PDGFRL: variants seen among roughly 807,000 people sequenced by gnomAD.
PDGFRL encodes platelet-derived growth factor receptor-like protein.
A neutral mutation model predicts 37.2 loss-of-function variants in PDGFRL; 46 were observed. That is an observed-to-expected ratio of 1.24 (90% confidence interval 0.98 to 1.58). PDGFRL has a LOEUF of 1.58. Among genes scored for constraint, PDGFRL ranks in the 40% most tolerant of loss-of-function variants. The pLI is 0.00. For synonymous variants in PDGFRL, 251 were observed against 184.3 expected (o/e 1.36, Z -2.93); for missense variants, 692 against 467.6 (o/e 1.48, Z -4.43).
At chr8:17,591,634 G>C (rs577924463) in intron 2 of PDGFRL, among the ~76,000 whole-genome samples, 3 of 152,334 alleles carry the variant, frequency 2.0e-5, no homozygotes, top group South Asian at 4.1e-4. Context: ...CCTGCAGGCA[G>C]GCTGGGCACG....
At chr8:17,584,782 G>A (rs1803780714) in intron 1 of PDGFRL, among the ~76,000 whole-genome samples, 1 of 151,028 alleles carries the variant, frequency 6.6e-6, no homozygotes, top group South Asian at 2.1e-4. Flanking sequence ...TCCTGATCCA[G>A]ACCGCAAGAA....
chr8:17,600,078 C>A (rs1343171892), intron 2 of PDGFRL, among the ~76,000 whole-genome samples: 1 of 152,186 alleles, frequency 6.6e-6, no homozygotes, highest in Non-Finnish European at 1.5e-5. Context: ...ACACCCAGTT[C>A]CCTGGGAGGA....
chr8:17,638,009 TTTTG>T (rs1805007170), intron 5 of PDGFRL, among the ~76,000 whole-genome samples: 1 of 152,162 alleles, frequency 6.6e-6, no homozygotes, highest in Non-Finnish European at 1.5e-5. Context: ...AGAATCAGCT[TTTTG>T]TTTATCTTTT....
At chr8:17,641,292 C>G (rs767860910) in intron 5 of PDGFRL, among the ~76,000 whole-genome samples, 3 of 152,202 alleles carry the variant, frequency 2.0e-5, no homozygotes, top group Non-Finnish European at 4.4e-5. Flanking sequence ...ACCCCCTCAC[C>G]CGAGTTCTGT....
At chr8:17,605,836 C>T (rs751266227) in intron 2 of PDGFRL, among the ~76,000 whole-genome samples, 26 of 152,120 alleles carry the variant, frequency 1.7e-4, no homozygotes, top group Non-Finnish European at 3.1e-4. Context: ...GGGAGGAGTG[C>T]GTGGGGCACA....
intron 2 of PDGFRL, among the ~76,000 whole-genome samples, chr8:17,603,421 C>T (rs947510843): frequency 6.6e-6 from 1 of 152,150 alleles, no homozygotes; most frequent in African/African-American, 2.4e-5. Flanking sequence ...GTAGTTGATC[C>T]CTTCGAGGCT....
chr8:17,637,064 C>T (rs989734195), intron 5 of PDGFRL, among the ~76,000 whole-genome samples: 3 of 152,072 alleles, frequency 2.0e-5, no homozygotes, highest in African/African-American at 7.2e-5. Context: ...CAGCAAACAG[C>T]GACAGTTTGA....
intron 4 of PDGFRL, among the ~76,000 whole-genome samples, chr8:17,629,954 A>T (rs1318203265): frequency 1.3e-5 from 2 of 151,924 alleles, no homozygotes; most frequent in South Asian, 2.1e-4. Context: ...ATCAGTACTC[A>T]CTACCCACAC....
chr8:17,612,674 TTTTTC>T (rs1318457743), intron 2 of PDGFRL, among the ~76,000 whole-genome samples: 4 of 152,260 alleles, frequency 2.6e-5, no homozygotes, highest in Middle Eastern at 3.4e-3. Context: ...CCTGGCCCAG[TTTTTC>T]TTTTCTTATT....
At chr8:17,597,132 T>C (rs995460713) in intron 2 of PDGFRL, among the ~76,000 whole-genome samples, 1 of 152,228 alleles carries the variant, frequency 6.6e-6, no homozygotes, top group African/African-American at 2.4e-5. Flanking sequence ...GCAATTCTAG[T>C]GCCTCAGCCT....
At chr8:17,612,065 T>C (rs2517210) in intron 2 of PDGFRL, among the ~76,000 whole-genome samples, 124,173 of 152,084 alleles carry the variant, frequency 0.82, 50,949 homozygotes, top group East Asian at 0.97. Flanking sequence ...ACAGCCATGC[T>C]GCACTCCAAA....
intron 3 of PDGFRL, among the ~76,000 whole-genome samples, chr8:17,623,247 G>T (rs891407137): frequency 2.0e-5 from 3 of 152,190 alleles, no homozygotes; most frequent in Non-Finnish European, 4.4e-5. Flanking sequence ...ACAAGGTGAA[G>T]GATGGACTGA....
intron 1 of PDGFRL, among the ~76,000 whole-genome samples, chr8:17,587,891 A>G (rs1433305318): frequency 6.6e-6 from 1 of 152,020 alleles, no homozygotes; most frequent in Admixed American, 6.5e-5. Context: ...TGGCCTCCCA[A>G]AATGCTGGGA....
Position 17,598,757 on chromosome 8 carries a change from C to T in PDGFRL, c.353+8992C>T, listed in dbSNP as rs567371759. 5.9e-5 allele frequency among the ~76,000 whole-genome samples: 9 copies of T among 152,212 alleles called. No individual in the cohort carries two copies. The East Asian group carries it at 1.7e-3, about 29-fold the overall frequency. On this transcript the variant is annotated intron_variant, in intron 2 of 5. Coordinates refer to ENST00000251630, the MANE Select transcript of PDGFRL (RefSeq NM_001372073.1). Reference sequence around the variant, plus strand: ...TAATTCCCACATGTTGTGGGAGGGGCCCAGTGGGAGATAATTGAATCATAA... The same window carrying T: ...TAATTCCCACATGTTGTGGGAGGGGTCCAGTGGGAGATAATTGAATCATAA...
intron 1 of PDGFRL, among the ~76,000 whole-genome samples, chr8:17,580,410 A>G (rs1184913397): frequency 6.6e-6 from 1 of 152,198 alleles, no homozygotes; most frequent in Admixed American, 6.5e-5. Flanking sequence ...AATGCACATA[A>G]TGAATGCTTT....
intron 5 of PDGFRL, among the ~76,000 whole-genome samples, 171 bp downstream of exon 5, chr8:17,634,384 G>A (rs1020275329): frequency 6.6e-6 from 1 of 151,928 alleles, no homozygotes; most frequent in African/African-American, 2.4e-5. Context: ...TTTTGAAGAT[G>A]TTTCGGTATA....
intron 2 of PDGFRL, among the ~76,000 whole-genome samples, chr8:17,597,187 A>G (rs1419359203): frequency 1.3e-5 from 2 of 152,204 alleles, no homozygotes; most frequent in Admixed American, 6.5e-5. Context: ...CACCTGGCTA[A>G]TTTTTGTATT....
intron 2 of PDGFRL, among the ~76,000 whole-genome samples, chr8:17,592,347 C>G (rs1453278313): frequency 6.6e-6 from 1 of 152,178 alleles, no homozygotes; most frequent in Non-Finnish European, 1.5e-5. Flanking sequence ...GTCTGAGGCG[C>G]TCTTCTCTCC....
chr8:17,577,001 C>G, upstream of PDGFRL: 1 of 572,058 alleles, frequency 1.7e-6, no homozygotes, highest in South Asian at 2.2e-5. Context: ...TCACGCTTAG[C>G]CTTTCCTCCC....
Sources: allele counts gnomAD v4.1 joint callset (sites outside exome capture counted in the v4.1 genomes callset), GRCh38; gene constraint gnomAD v4.1.1; transcripts MANE v1.5; gene names NCBI Gene and HGNC (gene_info 2026-07-23, HGNC 2026-07-21).